The following FRAS1 variants were observed in gnomAD, a reference collection of about 807,000 sequenced individuals.
FRAS1 encodes extracellular matrix organizing protein FRAS1.
A neutral mutation model predicts 435.2 loss-of-function variants in FRAS1; 290 were observed. The ratio of observed to expected loss-of-function variants is 0.67; its 90% CI spans 0.61 to 0.73. The LOEUF (loss-of-function observed/expected upper bound fraction) is 0.73, where lower values mean the gene tolerates loss of function less well. FRAS1 is among the 30% of genes least tolerant of loss of function. FRAS1 has a pLI of 0.00. For missense variants in FRAS1, 4,860 were observed against 5,001.5 expected (o/e 0.97, Z 0.85); for synonymous variants, 1,800 against 1,851.0 (o/e 0.97, Z 0.71).
intron 2 of FRAS1, among the ~76,000 whole-genome samples, chr4:78,079,719 C>T (rs538981312): frequency 6.6e-6 from 1 of 152,116 alleles, no homozygotes; most frequent in South Asian, 2.1e-4. Flanking sequence ...AAAGTGAGTC[C>T]CCTTCAGAGA....
intron 9 of FRAS1, among the ~76,000 whole-genome samples, chr4:78,277,184 A>T (rs10015504): frequency 0.34 from 51,834 of 152,094 alleles, 9,186 homozygotes; most frequent in South Asian, 0.59. Context: ...TTAGGGTGGG[A>T]GTAACCCAAT....
intron 70 of FRAS1, among the ~76,000 whole-genome samples, chr4:78,527,533 A>G (rs1380006506): frequency 2.0e-5 from 3 of 152,208 alleles, no homozygotes; most frequent in Non-Finnish European, 4.4e-5. Flanking sequence ...ACAGAATCTG[A>G]CATTAACATT....
chr4:78,238,068 C>T (rs747458767), intron 3 of FRAS1, among the ~76,000 whole-genome samples: 3 of 152,032 alleles, frequency 2.0e-5, no homozygotes, highest in East Asian at 1.9e-4. Context: ...CATGAACCAT[C>T]GAATGGATTG....
Position 78,057,774 on chromosome 4 carries a change from G to C in FRAS1, c.-236G>C, listed in dbSNP as rs150250987. On this transcript the variant is annotated 5_prime_UTR_variant, in exon 1 of 74. Transcript: ENST00000512123. This position sits in a 1 kb window ranked among gnomAD's most constrained non-coding sequence, Gnocchi z 4.2. ...TCACGTTGGCGTCCTGCCTTGCGGG[G>C]GAACTCGGCGCGCTCTCTGCCTGAG... 1 of 553,486 alleles carries C rather than the reference G, an allele frequency of 1.8e-6. No individual in the cohort carries two copies. Among genetic ancestry groups the C allele is most frequent in the African/African-American group, 1.9e-5 (1 of 52,884 alleles). 34.3% of individuals were successfully genotyped at this position (553,486 alleles called of 1,614,324 possible). A position where few individuals can be genotyped will look rare whatever the true frequency, so the allele number is the denominator to read the frequency against.
chr4:78,377,986 C>G (rs572664791), intron 26 of FRAS1, among the ~76,000 whole-genome samples: 2 of 152,174 alleles, frequency 1.3e-5, no homozygotes, highest in Non-Finnish European at 2.9e-5. Flanking sequence ...TTAGTGTATT[C>G]ACAAAGTTGT....
intron 2 of FRAS1, among the ~76,000 whole-genome samples, chr4:78,166,414 T>G (rs935033172): frequency 6.6e-6 from 1 of 152,158 alleles, no homozygotes; most frequent in African/African-American, 2.4e-5. Flanking sequence ...TAGTTAGATC[T>G]GGACTAATAA....
chr4:78,334,363 CTTTTTTTTTT>C lies in FRAS1; in HGVS notation c.2278+968_2278+977del, dbSNP rs1007481617. On this transcript the variant is annotated intron_variant, in intron 19 of 73. Coordinates refer to ENST00000512123, the MANE Select transcript of FRAS1 (RefSeq NM_025074.7). ...AAAACATAAAGTCATAACCAATTTT[CTTTTTTTTTT>C]TTTTTTTTTTTTTTTTGAGACGGAG... 1.7e-3 allele frequency among the ~76,000 whole-genome samples: 157 copies of C among 92,274 alleles called. 2 individuals are homozygous for C. The East Asian group carries it at 0.036, about 21-fold the overall frequency. The allele number at this position is 92,274 out of a possible 152,430, so 60.5% of individuals were successfully genotyped here. A position where few individuals can be genotyped will look rare whatever the true frequency, so the allele number is the denominator to read the frequency against.
At chr4:78,510,937 A>G (rs1381776466) in intron 63 of FRAS1, among the ~76,000 whole-genome samples, 1 of 152,212 alleles carries the variant, frequency 6.6e-6, no homozygotes, top group Non-Finnish European at 1.5e-5. Context: ...CAGTCTTGCT[A>G]GAAGCCTGAA....
chr4:78,398,585 C>T (rs1011377707), intron 29 of FRAS1, among the ~76,000 whole-genome samples: 1 of 152,208 alleles, frequency 6.6e-6, no homozygotes, highest in African/African-American at 2.4e-5. Context: ...TCTGAAAAAA[C>T]CACATTGCCT....
At chr4:78,534,121 C>G (rs1721810181) in intron 70 of FRAS1, among the ~76,000 whole-genome samples, 1 of 152,144 alleles carries the variant, frequency 6.6e-6, no homozygotes, top group African/African-American at 2.4e-5. Flanking sequence ...GGGAAGAAAT[C>G]TAGCTGGACT....
At chr4:78,505,853 C>G (rs1423438029) in intron 61 of FRAS1, among the ~76,000 whole-genome samples, 1 of 152,162 alleles carries the variant, frequency 6.6e-6, no homozygotes, top group Non-Finnish European at 1.5e-5. Flanking sequence ...TGGTTTATCC[C>G]CATCTTTGTG....
chr4:78,118,559 G>T (rs1718805107), intron 2 of FRAS1, among the ~76,000 whole-genome samples: 2 of 152,182 alleles, frequency 1.3e-5, no homozygotes, highest in South Asian at 4.1e-4. Context: ...CTTGCAGTTT[G>T]ATCTCAGACT....
chr4:78,519,326 G>A lies in FRAS1; in HGVS notation c.10390-5G>A, dbSNP rs753366978. On this transcript the variant is annotated splice_polypyrimidine_tract_variant and splice_region_variant and intron_variant, in intron 66 of 73. Transcript: ENST00000512123. Reference sequence around the variant, plus strand: ...AACTCTGTGTGCATACTGCTTCCTCGGCAGGTGAGGGACTCTGCCCAGTCC... The same window carrying A: ...AACTCTGTGTGCATACTGCTTCCTCAGCAGGTGAGGGACTCTGCCCAGTCC... 24 of 1,519,854 alleles carry A rather than the reference G, an allele frequency of 1.6e-5. No homozygotes were observed. Among genetic ancestry groups the A allele is most frequent in the African/African-American group, 4.3e-5 (3 of 70,180 alleles). 94.1% of individuals were successfully genotyped at this position (1,519,854 alleles called of 1,614,324 possible).
At chr4:78,393,300 G>T (rs781096132) in intron 29 of FRAS1, among the ~76,000 whole-genome samples, 1 of 151,958 alleles carries the variant, frequency 6.6e-6, no homozygotes, top group Admixed American at 6.6e-5. Context: ...ATGCTATATA[G>T]TAGGTCTTCA....
intron 9 of FRAS1, among the ~76,000 whole-genome samples, chr4:78,271,474 C>T (rs1726680930): frequency 6.6e-6 from 1 of 152,146 alleles, no homozygotes; most frequent in South Asian, 2.1e-4. Context: ...CTACCCCCAA[C>T]CCACAACAGG....
At chr4:78,425,667 C>T (rs1437490192) in intron 35 of FRAS1, among the ~76,000 whole-genome samples, 1 of 152,134 alleles carries the variant, frequency 6.6e-6, no homozygotes, top group Non-Finnish European at 1.5e-5. Flanking sequence ...AGTATCAGCT[C>T]ATTTCTAGTC....
At chr4:78,276,384 A>T (rs1263452546) in intron 9 of FRAS1, among the ~76,000 whole-genome samples, 2 of 152,170 alleles carry the variant, frequency 1.3e-5, no homozygotes, top group Non-Finnish European at 2.9e-5. Context: ...GGAGGGGTAG[A>T]GGTGCTCTGA....
At chr4:78,152,931 A>AG (rs1386334858) in intron 2 of FRAS1, among the ~76,000 whole-genome samples, 1 of 152,066 alleles carries the variant, frequency 6.6e-6, no homozygotes, top group African/African-American at 2.4e-5. Context: ...TACTCAGTTT[A>AG]CTGCCTAAAT....
intron 6 of FRAS1, among the ~76,000 whole-genome samples, chr4:78,263,085 T>C (rs1026928948): frequency 2.0e-5 from 3 of 152,190 alleles, no homozygotes; most frequent in African/African-American, 7.2e-5. Flanking sequence ...GAAGGGCATG[T>C]ATATGGTGGT....
Sources: allele counts gnomAD v4.1 joint callset (sites outside exome capture counted in the v4.1 genomes callset), GRCh38; gene constraint gnomAD v4.1.1; non-coding constraint Gnocchi (gnomAD v3.1); transcripts MANE v1.5; gene names NCBI Gene and HGNC (gene_info 2026-07-23, HGNC 2026-07-21).